NBEA: variants seen among roughly 807,000 people sequenced by gnomAD.
NBEA encodes neurobeachin.
In NBEA, 44 loss-of-function variants were observed where a neutral mutation model predicts 343.4. The observed-to-expected ratio is 0.13, with a 90% CI of 0.10 to 0.16. The LOEUF (loss-of-function observed/expected upper bound fraction) is 0.16, where lower values mean the gene tolerates loss of function less well. NBEA is among the 10% of genes least tolerant of loss of function. NBEA has a pLI of 1.00. For missense variants in NBEA, 2,555 were observed against 3,631.3 expected (o/e 0.70, Z 7.62); for synonymous variants, 1,175 against 1,238.7 (o/e 0.95, Z 1.08).
intron 1 of NBEA, among the ~76,000 whole-genome samples, chr13:34,998,573 A>G (rs947645846): frequency 6.6e-6 from 1 of 152,058 alleles, no homozygotes; most frequent in African/African-American, 2.4e-5. Flanking sequence ...TTTCTCAGGG[A>G]TGTTCCTTGC....
chr13:35,602,602 G>C (rs538905433), intron 47 of NBEA, among the ~76,000 whole-genome samples: 1 of 152,290 alleles, frequency 6.6e-6, no homozygotes, highest in South Asian at 2.1e-4. Context: ...AAATCTGGGA[G>C]AGTTTCTTTG....
At chr13:35,047,352 G>T (rs1224434546) in intron 4 of NBEA, among the ~76,000 whole-genome samples, 1 of 151,822 alleles carries the variant, frequency 6.6e-6, no homozygotes, top group African/African-American at 2.4e-5. Flanking sequence ...AACTCTGATG[G>T]CTAGATATGC....
chr13:35,171,212 G>A, intron 25 of NBEA, 60 bp from the exon 26 acceptor site: 2 of 1,260,204 alleles, frequency 1.6e-6, no homozygotes, highest in South Asian at 2.5e-5. Context: ...GTATGTATAT[G>A]TATTATATTT....
At chr13:35,456,784 T>G (rs1375193921) in intron 40 of NBEA, among the ~76,000 whole-genome samples, 1 of 152,026 alleles carries the variant, frequency 6.6e-6, no homozygotes, top group Non-Finnish European at 1.5e-5. Context: ...AGAAATATTT[T>G]ACATAGTGTA....
At chr13:35,205,751 A>AATG (rs2073350373) in intron 31 of NBEA, among the ~76,000 whole-genome samples, 1 of 152,056 alleles carries the variant, frequency 6.6e-6, no homozygotes, top group Admixed American at 6.6e-5. Flanking sequence ...TAATAGCTAA[A>AATG]ATGTATTGGC....
intron 1 of NBEA, among the ~76,000 whole-genome samples, chr13:35,017,938 CAT>C (rs1254886017): frequency 6.6e-6 from 1 of 152,066 alleles, no homozygotes; most frequent in African/African-American, 2.4e-5. Flanking sequence ...GATAAAAGTT[CAT>C]GTGGCTGTGT....
In NBEA at chr13:35,070,818, C is replaced by G; in HGVS notation, c.1537C>G (p.Gln513Glu). ...ACTTTTTGCCCAATTGGATAATAGG[C>G]AGCTCAATGACAGTCAAGTGGAAAC... Reference protein sequence around the residue: ...FPLFAQLDNRQLNDSQVETTV... With the variant: ...FPLFAQLDNRELNDSQVETTV... Residue 513 changes from glutamine (Q) to glutamate (E), a missense_variant, in exon 10 of 59, where the codon CAG (glutamine) becomes GAG (glutamate). Physicochemically the swap from Gln to Glu is conservative, Grantham distance 29. This residue lies in a region of NBEA where 360 missense variants were observed against 519.1 expected (regional missense o/e 0.69). Transcript: ENST00000379939. 1 of 1,610,196 alleles carries G rather than the reference C, an allele frequency of 6.2e-7. No homozygotes were observed.
At chr13:35,218,642 A>G (rs1362714874) in intron 33 of NBEA, among the ~76,000 whole-genome samples, 2 of 151,944 alleles carry the variant, frequency 1.3e-5, no homozygotes, top group African/African-American at 2.4e-5. Flanking sequence ...CCTATTAATT[A>G]TATATAATTT....
chr13:35,616,895 G>C (rs2082762942), intron 48 of NBEA, among the ~76,000 whole-genome samples: 1 of 152,158 alleles, frequency 6.6e-6, no homozygotes, highest in Admixed American at 6.5e-5. Flanking sequence ...TATTCAAAGT[G>C]TGCTTCTTTA....
chr13:35,016,366 A>G (rs1310793957), intron 1 of NBEA, among the ~76,000 whole-genome samples: 5 of 152,178 alleles, frequency 3.3e-5, no homozygotes, highest in African/African-American at 9.7e-5. Flanking sequence ...GAATCTGAGT[A>G]TTACATCTAA....
chr13:35,149,628 T>C (rs187816262), intron 18 of NBEA, among the ~76,000 whole-genome samples: 7 of 152,258 alleles, frequency 4.6e-5, no homozygotes, highest in Admixed American at 4.6e-4. Context: ...AACACGTGTT[T>C]ATGTTTTGAT....
chr13:35,581,448 C>T (rs542416290), intron 45 of NBEA, among the ~76,000 whole-genome samples: 135 of 151,872 alleles, frequency 8.9e-4, no homozygotes, highest in African/African-American at 2.1e-3. Context: ...TCATGTCCTT[C>T]GCCCACTTTT....
At position 35,110,987 on chromosome 13, in the gene NBEA, A is replaced by G. The variant is rs760690013; in HGVS notation, c.2002+9A>G. On this transcript the variant is annotated intron_variant, in intron 13 of 58. Transcript: ENST00000379939. The stretch of plus-strand genomic sequence containing the variant: ...TACACCTAAAGGATTAGGTATGTAT[A>G]CCACTTCCACTGTATTTACATTTGC... 6.9e-6 allele frequency: 11 copies of G among 1,587,702 alleles called. 1 individual carries two copies. The highest frequency in any genetic ancestry group is 8.6e-6 in the Non-Finnish European group (10 of 1,160,286).
At chr13:35,124,788 A>G (rs904324629) in intron 17 of NBEA, among the ~76,000 whole-genome samples, 2 of 148,978 alleles carry the variant, frequency 1.3e-5, no homozygotes, top group African/African-American at 5.1e-5. Flanking sequence ...ATGGATATAT[A>G]CACACATATA....
chr13:35,575,986 A>G (rs1183479913), intron 45 of NBEA, among the ~76,000 whole-genome samples: 1 of 152,168 alleles, frequency 6.6e-6, no homozygotes, highest in African/African-American at 2.4e-5. Flanking sequence ...TTATATGCCA[A>G]TGCTAGGCTT....
intron 10 of NBEA, among the ~76,000 whole-genome samples, chr13:35,085,263 TGGCA>T (rs1566260611): frequency 6.6e-6 from 1 of 152,032 alleles, no homozygotes; most frequent in Non-Finnish European, 1.5e-5. Flanking sequence ...TACCAAAGCC[TGGCA>T]GAGACACAAC....
intron 27 of NBEA, among the ~76,000 whole-genome samples, chr13:35,176,607 T>TA (rs1436549882): frequency 6.6e-6 from 1 of 152,020 alleles, no homozygotes; most frequent in Non-Finnish European, 1.5e-5. Flanking sequence ...TCTCATATAC[T>TA]AGTGTAGTAT....
chr13:35,450,283 T>C (rs1395214119), intron 39 of NBEA, among the ~76,000 whole-genome samples: 1 of 150,472 alleles, frequency 6.6e-6, no homozygotes, highest in Non-Finnish European at 1.5e-5. Flanking sequence ...AAGCCCAGCC[T>C]GAGAATATAG....
intron 35 of NBEA, among the ~76,000 whole-genome samples, chr13:35,306,246 ATAT>A: frequency 6.6e-6 from 1 of 152,190 alleles, no homozygotes; most frequent in South Asian, 2.1e-4. Flanking sequence ...TTGCTAGGTT[ATAT>A]TATGTATTAT....
Sources: gnomAD v4.1 joint callset for allele counts (sites outside exome capture counted in the v4.1 genomes callset) on GRCh38, gnomAD v4.1.1 for gene constraint, gnomAD v4.1.1 regional missense constraint, MANE v1.5 for transcripts, NCBI Gene and HGNC (gene_info 2026-07-23, HGNC 2026-07-21) for gene names.